HLF: variants seen among roughly 807,000 people sequenced by gnomAD.
HLF encodes the protein HLF transcription factor, PAR bZIP family member.
In HLF, 3 loss-of-function variants were observed where a neutral mutation model predicts 22.6. The observed-to-expected ratio is 0.13, with a 90% confidence interval of 0.06 to 0.34. The LOEUF is 0.34. HLF is among the 10% of genes least tolerant of loss of function. HLF has a pLI of 1.00. For synonymous variants in HLF, 151 were observed against 151.8 expected, an observed-to-expected ratio of 0.99 and a Z score of 0.04; for missense variants, 299 against 389.2, an observed-to-expected ratio of 0.77 and a Z score of 1.95.
intron 2 of HLF, among the ~76,000 whole-genome samples, chr17:55,287,330 C>G (rs1345681045): frequency 6.6e-6 from 1 of 152,222 alleles, no homozygotes; most frequent in Non-Finnish European, 1.5e-5. Flanking sequence ...TGAACACTCT[C>G]ATAGTTGATG....
chr17:55,296,483 G>T (rs977002207), intron 2 of HLF, among the ~76,000 whole-genome samples: 4 of 152,092 alleles, frequency 2.6e-5, no homozygotes, highest in African/African-American at 7.2e-5. Flanking sequence ...TGTATATATT[G>T]TGTGTATGGA....
intron 2 of HLF, among the ~76,000 whole-genome samples, chr17:55,296,016 G>A (rs773753099): frequency 6.6e-6 from 1 of 152,154 alleles, no homozygotes; most frequent in South Asian, 2.1e-4. Context: ...AGTGTAGAAT[G>A]CTTTGGGGCA....
chr17:55,304,688 C>T (rs1363963472), intron 2 of HLF, among the ~76,000 whole-genome samples: 1 of 152,144 alleles, frequency 6.6e-6, no homozygotes, highest in Non-Finnish European at 1.5e-5. Context: ...ACAGGCTTTG[C>T]TTGGGCTGTA....
At chr17:55,277,905 A>G (rs1451019021) in intron 2 of HLF, among the ~76,000 whole-genome samples, 1 of 152,174 alleles carries the variant, frequency 6.6e-6, no homozygotes, top group East Asian at 1.9e-4. Context: ...TACAGACTCC[A>G]TGACCGAATG....
At chr17:55,282,191 C>T (rs2080960860) in intron 2 of HLF, among the ~76,000 whole-genome samples, 1 of 152,166 alleles carries the variant, frequency 6.6e-6, no homozygotes, top group South Asian at 2.1e-4. Context: ...AATTCGGAGT[C>T]CGAATCTGGT....
At chr17:55,315,030 C>A (rs1905006370) in intron 2 of HLF, among the ~76,000 whole-genome samples, 197 bp from the exon 3 acceptor site, 1 of 152,236 alleles carries the variant, frequency 6.6e-6, no homozygotes, top group African/African-American at 2.4e-5. Flanking sequence ...TTCTGTTTTG[C>A]CTGATGTGAC....
At chr17:55,283,081 G>C (rs956248114) in intron 2 of HLF, among the ~76,000 whole-genome samples, 3 of 151,792 alleles carry the variant, frequency 2.0e-5, no homozygotes, top group Non-Finnish European at 2.9e-5. Flanking sequence ...GGATTTCTTA[G>C]TGGTCGTTTA....
chr17:55,310,883 CTT>C (rs1334338912), intron 2 of HLF, among the ~76,000 whole-genome samples: 2 of 152,060 alleles, frequency 1.3e-5, no homozygotes, highest in African/African-American at 4.8e-5. Flanking sequence ...AGTAACAACT[CTT>C]ATAATACATT....
At chr17:55,270,613 T>C (rs1405846909) in intron 2 of HLF, among the ~76,000 whole-genome samples, 1 of 152,130 alleles carries the variant, frequency 6.6e-6, no homozygotes, top group East Asian at 1.9e-4. Flanking sequence ...TCAGTCTTGA[T>C]TGGTGTTTCT....
chr17:55,281,046 A>G (rs938330349), intron 2 of HLF, among the ~76,000 whole-genome samples: 3 of 152,154 alleles, frequency 2.0e-5, no homozygotes, highest in Non-Finnish European at 4.4e-5. Context: ...CGCTTGATAC[A>G]GTATGTTGTG....
chr17:55,271,691 G>A (rs182007699), intron 2 of HLF: 2,474 of 152,086 alleles, frequency 0.016, 27 homozygotes, highest in South Asian at 0.037. Context: ...CACCATGCCC[G>A]GCTAATTTTT....
At chr17:55,305,437 TG>T (rs1904501225) in intron 2 of HLF, among the ~76,000 whole-genome samples, 1 of 152,120 alleles carries the variant, frequency 6.6e-6, no homozygotes, top group Admixed American at 6.5e-5. Context: ...CCTACCTCTC[TG>T]GGGTTTGCCA....
rs2080775903 is a variant in HLF at position 55,265,162 on chromosome 17, TC to T, written c.-322del. ...GCAGCCGTCGACATTTTTTTTTCTT[TC>T]TTTTTTTCAATTTTGAACATTTTGC... On this transcript the variant is annotated 5_prime_UTR_variant, in exon 1 of 4. Coordinates refer to ENST00000226067, the MANE Select transcript of HLF (RefSeq NM_002126.5). 1 of 234,432 alleles carries T rather than the reference TC, an allele frequency of 4.3e-6. No individual in the cohort carries two copies. Among genetic ancestry groups the T allele is most frequent in the Non-Finnish European group, 8.3e-6 (1 of 120,260 alleles). The allele number at this position is 234,432 out of a possible 1,614,324, so 14.5% of individuals were successfully genotyped here.
Position 55,323,642 on chromosome 17 carries a change from C to T in HLF, c.*2763C>T, listed in dbSNP as rs987031986. The T allele has an allele frequency of 4.4e-6, 1 of 229,014 alleles. No individual in the cohort carries two copies. Among genetic ancestry groups the T allele is most frequent in the African/African-American group, 2.2e-5 (1 of 45,092 alleles). 14.2% of individuals were successfully genotyped at this position (229,014 alleles called of 1,614,324 possible). A position where few individuals can be genotyped will look rare whatever the true frequency, so the allele number is the denominator to read the frequency against. ...ATATGTAGGTCATTGTCACGATACA[C>T]ACACACGAACACTCCCTCTGGACTG... On this transcript the variant is annotated 3_prime_UTR_variant, in exon 4 of 4. Transcript: ENST00000226067.
chr17:55,300,537 T>C (rs1293752462), intron 2 of HLF, among the ~76,000 whole-genome samples: 1 of 152,214 alleles, frequency 6.6e-6, no homozygotes, highest in Admixed American at 6.5e-5. Context: ...AATGAGACAT[T>C]TTATTTTCCC....
intron 2 of HLF, among the ~76,000 whole-genome samples, chr17:55,269,845 C>T (rs1214020388): frequency 6.6e-6 from 1 of 152,156 alleles, no homozygotes; most frequent in African/African-American, 2.4e-5. Context: ...AGATTTTGCC[C>T]AGTAGTTACT....
intron 2 of HLF, among the ~76,000 whole-genome samples, chr17:55,275,687 T>C (rs1005448514): frequency 1.3e-5 from 2 of 152,222 alleles, no homozygotes; most frequent in Non-Finnish European, 2.9e-5. Context: ...GAACCTTGAT[T>C]GTCTCTTCTG....
rs1209265314 is a variant in HLF at position 55,320,288 on chromosome 17, T to C, written c.673-376T>C. ...GTACCAACTCATACCCAAAAAAGCA[T>C]ATGAGTGCCCTTGAAGGAAAAGGGT... On this transcript the variant is annotated intron_variant, in intron 3 of 3. Transcript: ENST00000226067. This position sits in a 1 kb window ranked among gnomAD's most constrained non-coding sequence, Gnocchi z 4.2. Among the ~76,000 whole-genome samples the C allele has an allele frequency of 2.0e-5, 3 of 152,176 alleles. No individual in the cohort carries two copies. The highest frequency in any genetic ancestry group is 7.2e-5 in the African/African-American group (3 of 41,442).
intron 1 of HLF, among the ~76,000 whole-genome samples, chr17:55,266,524 G>A (rs1432653207): frequency 1.3e-5 from 2 of 152,238 alleles, no homozygotes; most frequent in African/African-American, 4.8e-5. Flanking sequence ...GGGAGTACTT[G>A]CACCTTCTTT....
Sources: gnomAD v4.1 joint callset for allele counts (sites outside exome capture counted in the v4.1 genomes callset) on GRCh38, gnomAD v4.1.1 for gene constraint, Gnocchi (gnomAD v3.1) non-coding constraint, MANE v1.5 for transcripts, NCBI Gene and HGNC (gene_info 2026-07-23, HGNC 2026-07-21) for gene names.